ENTHD1: variants seen among roughly 807,000 people sequenced by gnomAD.
ENTHD1 encodes ENTH domain-containing protein 1.
In ENTHD1, 23 loss-of-function variants were observed where a neutral mutation model predicts 39.1. That is an observed-to-expected ratio of 0.59 (90% CI 0.42 to 0.83). The LOEUF is 0.83. ENTHD1 is among the 40% of genes least tolerant of loss of function. ENTHD1 has a pLI of 0.00. For synonymous variants in ENTHD1, 230 were observed against 258.2 expected, an observed-to-expected ratio of 0.89 and a Z score of 1.05; for missense variants, 624 against 705.4, an observed-to-expected ratio of 0.88 and a Z score of 1.31.
chr22:39,852,253 GGAGAATCACCT>G (rs1294438058), intron 3 of ENTHD1, among the ~76,000 whole-genome samples: 1 of 152,110 alleles, frequency 6.6e-6, no homozygotes, highest in African/African-American at 2.4e-5. Context: ...GGCTGAGGTA[GGAGAATCACCT>G]GAGCCCAGGG....
intron 5 of ENTHD1, among the ~76,000 whole-genome samples, chr22:39,808,061 G>A (rs888227954): frequency 6.6e-6 from 1 of 151,982 alleles, no homozygotes; most frequent in African/African-American, 2.4e-5. Flanking sequence ...TGTGACTGAG[G>A]GCAAATTTTT....
chr22:39,835,719 A>C, intron 4 of ENTHD1, 121 bp downstream of exon 4: 4 of 586,786 alleles, frequency 6.8e-6, no homozygotes, highest in Non-Finnish European at 1.2e-5. Flanking sequence ...GGACACCTTG[A>C]TTTTAGCCCA....
intron 3 of ENTHD1, among the ~76,000 whole-genome samples, chr22:39,856,727 C>T (rs999699931): frequency 1.3e-5 from 2 of 151,682 alleles, no homozygotes; most frequent in African/African-American, 4.8e-5. Context: ...GCGGTGTGTG[C>T]CTGTAGTCCC....
intron 5 of ENTHD1, among the ~76,000 whole-genome samples, chr22:39,806,749 G>T (rs904767332): frequency 6.6e-6 from 1 of 152,116 alleles, no homozygotes; most frequent in Non-Finnish European, 1.5e-5. Flanking sequence ...TGTCTTCAGA[G>T]CCCAGAGGAG....
chr22:39,798,475 T>C (rs2065568808), intron 5 of ENTHD1, among the ~76,000 whole-genome samples: 1 of 152,134 alleles, frequency 6.6e-6, no homozygotes. Flanking sequence ...TGCAGTAGTG[T>C]AGTCTTCCAT....
chr22:39,856,826 C>T (rs182405668), intron 3 of ENTHD1, among the ~76,000 whole-genome samples: 5 of 143,040 alleles, frequency 3.5e-5, no homozygotes, highest in South Asian at 2.3e-4. Context: ...GCGCTCCTGC[C>T]GGGGTGACAG....
intron 3 of ENTHD1, among the ~76,000 whole-genome samples, chr22:39,861,006 T>C (rs976886044): frequency 6.6e-6 from 1 of 152,232 alleles, no homozygotes; most frequent in Non-Finnish European, 1.5e-5. Flanking sequence ...AGAGCACTTT[T>C]AGGATTCTGA....
intron 5 of ENTHD1, among the ~76,000 whole-genome samples, chr22:39,766,730 A>G (rs747969682): frequency 1.3e-5 from 2 of 152,194 alleles, no homozygotes; most frequent in Non-Finnish European, 2.9e-5. Context: ...GTTATTAAAG[A>G]AAAGAAACTT....
intron 5 of ENTHD1, among the ~76,000 whole-genome samples, 158 bp downstream of exon 5, chr22:39,820,835 A>C (rs2065777059): frequency 6.6e-6 from 1 of 152,242 alleles, no homozygotes; most frequent in Non-Finnish European, 1.5e-5. Flanking sequence ...GAAAACACTG[A>C]AACAAATGGT....
chr22:39,827,076 C>A (rs972842434), intron 4 of ENTHD1, among the ~76,000 whole-genome samples: 1 of 148,686 alleles, frequency 6.7e-6, no homozygotes, highest in Non-Finnish European at 1.5e-5. Context: ...AGTGCAGTGG[C>A]GCGATCTCGG....
chr22:39,752,655 T>C (rs1007947467), intron 6 of ENTHD1, among the ~76,000 whole-genome samples: 13 of 152,254 alleles, frequency 8.5e-5, no homozygotes, highest in South Asian at 2.1e-4. Context: ...TAATCACTTA[T>C]GCTAAATTTT....
intron 5 of ENTHD1, among the ~76,000 whole-genome samples, chr22:39,778,907 A>G (rs750032722): frequency 1.3e-5 from 2 of 152,274 alleles, no homozygotes; most frequent in Non-Finnish European, 2.9e-5. Flanking sequence ...CAGAATCATT[A>G]GGCCAGTGAA....
chr22:39,757,229 T>C (rs1247956699), intron 6 of ENTHD1, among the ~76,000 whole-genome samples: 1 of 152,210 alleles, frequency 6.6e-6, no homozygotes, highest in African/African-American at 2.4e-5. Context: ...AAAATGCTAC[T>C]GTAAATGGTA....
chr22:39,758,900 T>C (rs191103499), intron 6 of ENTHD1, among the ~76,000 whole-genome samples: 74 of 152,340 alleles, frequency 4.9e-4, no homozygotes, highest in Non-Finnish European at 9.3e-4. Context: ...GTTAATATGG[T>C]AGATTACAGT....
chr22:39,757,585 G>A (rs768066842), intron 6 of ENTHD1, among the ~76,000 whole-genome samples: 6 of 152,026 alleles, frequency 3.9e-5, no homozygotes, highest in Non-Finnish European at 7.4e-5. Flanking sequence ...GCTGAGGCAG[G>A]AGAATCACTT....
intron 2 of ENTHD1, among the ~76,000 whole-genome samples, chr22:39,879,462 C>CAAAAA (rs34372930): frequency 1.2e-4 from 2 of 16,452 alleles, no homozygotes; most frequent in African/African-American, 4.9e-4. Context: ...GACTCTGTCT[C>CAAAAA]AAAAAAAAAA....
intron 5 of ENTHD1, among the ~76,000 whole-genome samples, chr22:39,772,624 G>GA (rs968108821): frequency 6.6e-5 from 10 of 152,084 alleles, no homozygotes; most frequent in African/African-American, 2.4e-4. Context: ...GAAAGTAATA[G>GA]AAAAATAGCA....
intron 3 of ENTHD1, among the ~76,000 whole-genome samples, chr22:39,859,413 G>A (rs1221527622): frequency 1.3e-5 from 2 of 152,110 alleles, no homozygotes; most frequent in African/African-American, 2.4e-5. Flanking sequence ...AGCCTGTTTC[G>A]GCTTTCAACA....
intron 2 of ENTHD1, chr22:39,876,076 G>A (rs1431229511): frequency 2.0e-5 from 32 of 1,613,160 alleles, no homozygotes; most frequent in Middle Eastern, 1.6e-4. Context: ...AAGTCCCCAC[G>A]TATGAGTTCA....
Sources: allele counts gnomAD v4.1 joint callset (sites outside exome capture counted in the v4.1 genomes callset), GRCh38; gene constraint gnomAD v4.1.1; transcripts MANE v1.5; gene names NCBI Gene and HGNC (gene_info 2026-07-23, HGNC 2026-07-21).